PLXNA2: variants seen among roughly 807,000 people sequenced by gnomAD.
The protein encoded by PLXNA2 is plexin A2.
Under a neutral mutation model 193.5 loss-of-function variants are expected in PLXNA2, and 91 were observed. The observed-to-expected ratio is 0.47, with a 90% CI of 0.40 to 0.56. The LOEUF is 0.56. Ranked by LOEUF, PLXNA2 falls within the 20% of genes least tolerant of loss-of-function variation. The pLI, the probability that PLXNA2 is intolerant of heterozygous loss-of-function variation, is 0.00. For missense variants in PLXNA2, 1,995 were observed against 2,503.2 expected, an observed-to-expected ratio of 0.80 and a Z score of 4.33; for synonymous variants, 997 against 1,027.3, an observed-to-expected ratio of 0.97 and a Z score of 0.56.
At chr1:208,179,913 G>C (rs557363002) in intron 3 of PLXNA2, among the ~76,000 whole-genome samples, 33 of 152,126 alleles carry the variant, frequency 2.2e-4, no homozygotes, top group African/African-American at 7.2e-4. Context: ...ACTCTTCTTT[G>C]AGATTTCCCA....
rs1666372691 is a variant in PLXNA2, at chr1:208,082,355, C to T, written c.2395+57G>A. Reference sequence around the variant, plus strand: ...CTGGCTGGCTCTGATCCCTCTAGCCCCAGTCTTTCCCGGGGTCGTGAAAAG... The same window carrying T: ...CTGGCTGGCTCTGATCCCTCTAGCCTCAGTCTTTCCCGGGGTCGTGAAAAG... On this transcript the variant is annotated intron_variant, in intron 11 of 31. Coordinates refer to ENST00000367033, the MANE Select transcript of PLXNA2 (RefSeq NM_025179.4). The surrounding 1 kb of genome is among the most constrained non-coding windows in gnomAD (Gnocchi z 4.2). 1.4e-6 allele frequency: 2 copies of T among 1,382,514 alleles called. No individual in the cohort carries two copies. Among genetic ancestry groups the T allele is most frequent in the Admixed American group, 3.6e-5 (2 of 55,722 alleles). The allele number at this position is 1,382,514 out of a possible 1,614,324, so 85.6% of individuals were successfully genotyped here.
intron 4 of PLXNA2, among the ~76,000 whole-genome samples, chr1:208,134,822 G>A (rs907698563): frequency 6.6e-6 from 1 of 152,160 alleles, no homozygotes; most frequent in Non-Finnish European, 1.5e-5. Flanking sequence ...CAAAATAAAT[G>A]AGCAGGGGAC....
At position 208,159,359 on chromosome 1, in the gene PLXNA2, T is replaced by C. The variant is rs545760274; in HGVS notation, c.1372-16896A>G. Among the ~76,000 whole-genome samples the C allele has an allele frequency of 3.4e-4, 52 of 152,376 alleles. 1 individual carries two copies. The highest frequency in any genetic ancestry group is 3.4e-3 in the Middle Eastern group (1 of 294). Reference sequence around the variant, plus strand: ...TCCTGTGGGGGGAAGTACCTTCCCATAGAAGAGGAACTGAGTCCTGGTGAA... The same window carrying C: ...TCCTGTGGGGGGAAGTACCTTCCCACAGAAGAGGAACTGAGTCCTGGTGAA... On this transcript the variant is annotated intron_variant, in intron 3 of 31. Transcript: ENST00000367033.
intron 3 of PLXNA2, among the ~76,000 whole-genome samples, chr1:208,197,217 A>G (rs1197838969): frequency 6.6e-6 from 1 of 152,254 alleles, no homozygotes. Context: ...CAGTCTGAAG[A>G]TCAAAAGAGC....
Position 208,054,402 on chromosome 1 carries a change from C to A in PLXNA2, c.2856+19G>T, listed in dbSNP as rs373678529. On this transcript the variant is annotated intron_variant, in intron 14 of 31. Transcript: ENST00000367033. Reference sequence around the variant, plus strand: ...CTCCTCCCTGGGCACCTGCACCTGGCCCTGGACCCAGTACTCACCACGAAG... The same window carrying A: ...CTCCTCCCTGGGCACCTGCACCTGGACCTGGACCCAGTACTCACCACGAAG... 6 of 1,565,654 alleles carry A rather than the reference C, an allele frequency of 3.8e-6. No individual in the cohort carries two copies. Among genetic ancestry groups the A allele is most frequent in the Non-Finnish European group, 5.3e-6 (6 of 1,136,474 alleles).
At position 208,155,102 on chromosome 1, in the gene PLXNA2, A is replaced by G. The variant is rs1199570130; in HGVS notation, c.1372-12639T>C. ...CAGGACTGCGGGGAGGAGGAGCGGG[A>G]GGCAGCAGAGGGTTAGCAGGTGCAT... On this transcript the variant is annotated intron_variant, in intron 3 of 31. Coordinates refer to ENST00000367033, the MANE Select transcript of PLXNA2 (RefSeq NM_025179.4). Among the ~76,000 whole-genome samples, 5 of 152,096 alleles carry G rather than the reference A, an allele frequency of 3.3e-5. No homozygotes were observed. In the East Asian group the frequency reaches 9.6e-4, roughly 29 times the overall value.
At position 208,217,476 on chromosome 1, in the gene PLXNA2, C is replaced by A; in HGVS notation, c.447G>T (p.Val149=). 6.2e-7 allele frequency: 1 copy of A among 1,614,198 alleles called. No individual in the cohort carries two copies. Among genetic ancestry groups the A allele is most frequent in the Non-Finnish European group, 8.5e-7 (1 of 1,180,030 alleles). The change falls in exon 2 of 32, where the codon GTG becomes GTT. Residue 149 remains valine (V), a synonymous_variant. Coordinates refer to ENST00000367033, the MANE Select transcript of PLXNA2 (RefSeq NM_025179.4). This position sits in a 1 kb window ranked among gnomAD's most constrained non-coding sequence, Gnocchi z 4.7. ...LLRLDDLFIL[V]EPSHKKEHYL... is the part of the protein sequence containing the mutation. ...AGTGCTCCTTCTTGTGGGATGGCTC[C>A]ACCAGGATGAAGAGGTCATCCAGCC...
chr1:208,157,152 A>G (rs1392964603), intron 3 of PLXNA2, among the ~76,000 whole-genome samples: 1 of 152,188 alleles, frequency 6.6e-6, no homozygotes, highest in Non-Finnish European at 1.5e-5. Context: ...CCTTCTCTCA[A>G]AGTGTAAAGA....
At chr1:208,105,853 C>G (rs1335793290) in intron 4 of PLXNA2, among the ~76,000 whole-genome samples, 1 of 152,144 alleles carries the variant, frequency 6.6e-6, no homozygotes, top group Non-Finnish European at 1.5e-5. Flanking sequence ...CATCTGGCTG[C>G]AAATTAAAAC....
At chr1:208,035,880 T>C (rs180750302) in intron 26 of PLXNA2, among the ~76,000 whole-genome samples, 109 of 152,314 alleles carry the variant, frequency 7.2e-4, no homozygotes, top group African/African-American at 2.5e-3. Context: ...CAGGTTTTAG[T>C]GGTGGTGTTT....
At chr1:208,138,285 C>T (rs576467211) in intron 4 of PLXNA2, among the ~76,000 whole-genome samples, 2 of 152,314 alleles carry the variant, frequency 1.3e-5, no homozygotes, top group East Asian at 1.9e-4. Context: ...AGATATTCAA[C>T]ACTTAATTAT....
intron 4 of PLXNA2, among the ~76,000 whole-genome samples, chr1:208,125,856 A>G (rs905748029): frequency 6.6e-6 from 1 of 152,210 alleles, no homozygotes; most frequent in Non-Finnish European, 1.5e-5. Flanking sequence ...CACCACATGG[A>G]TAGATCCGGA....
At chr1:208,200,816 G>T (rs1175602336) in intron 3 of PLXNA2, among the ~76,000 whole-genome samples, 3 of 151,934 alleles carry the variant, frequency 2.0e-5, no homozygotes, top group Non-Finnish European at 4.4e-5. Context: ...ATGTTGGCCA[G>T]GCTGGTCTTG....
Position 208,098,893 on chromosome 1 carries a change from G to T in PLXNA2, c.1684C>A (p.Leu562Ile), listed in dbSNP as rs769594491. Reference sequence around the variant, plus strand: ...GAGATGCTGCTGGGATGCACTGCAAGGCTCACACACTGGCTGATGCTGGCA... The same window carrying T: ...GAGATGCTGCTGGGATGCACTGCAATGCTCACACACTGGCTGATGCTGGCA... ...FAASISQCVS[L>I]AVHPSSISVS... The change falls in exon 6 of 32, where the codon CTT (leucine) becomes ATT (isoleucine). Residue 562 changes from leucine (L) to isoleucine (I), a missense_variant. Physicochemically the swap from Leu to Ile is conservative, Grantham distance 5 (BLOSUM62 2). Transcript: ENST00000367033. 1.2e-6 allele frequency: 2 copies of T among 1,613,994 alleles called. No homozygotes were observed. Among genetic ancestry groups the T allele is most frequent in the Non-Finnish European group, 1.7e-6 (2 of 1,179,984 alleles).
At chr1:208,186,229 T>C (rs1350995389) in intron 3 of PLXNA2, among the ~76,000 whole-genome samples, 1 of 152,166 alleles carries the variant, frequency 6.6e-6, no homozygotes, top group Non-Finnish European at 1.5e-5. Context: ...AGACAACCCC[T>C]GTGACTTCTC....
intron 3 of PLXNA2, among the ~76,000 whole-genome samples, chr1:208,199,344 A>C (rs1484706328): frequency 6.6e-6 from 1 of 152,196 alleles, no homozygotes. Flanking sequence ...AGTTCGGCAT[A>C]GGAAATGCCT....
chr1:208,186,418 A>G (rs1418404790), intron 3 of PLXNA2, among the ~76,000 whole-genome samples: 12 of 152,240 alleles, frequency 7.9e-5, no homozygotes, highest in Admixed American at 7.8e-4. Flanking sequence ...GCAAAAAAAC[A>G]AACAAACGGA....
chr1:208,197,786 A>T (rs1222377877), intron 3 of PLXNA2, among the ~76,000 whole-genome samples: 1 of 152,134 alleles, frequency 6.6e-6, no homozygotes, highest in Non-Finnish European at 1.5e-5. Flanking sequence ...AGCGACCAAC[A>T]TTGGCTCTGG....
intron 28 of PLXNA2, 60 bp from the exon 29 acceptor site, chr1:208,031,819 A>G: frequency 7.1e-7 from 1 of 1,416,500 alleles, no homozygotes; most frequent in Non-Finnish European, 9.7e-7. Context: ...GCAGACAGGC[A>G]TACCAGATGG....
Sources: allele counts gnomAD v4.1 joint callset (sites outside exome capture counted in the v4.1 genomes callset), GRCh38; gene constraint gnomAD v4.1.1; non-coding constraint Gnocchi (gnomAD v3.1); transcripts MANE v1.5; gene names NCBI Gene and HGNC (gene_info 2026-07-23, HGNC 2026-07-21).